CMSS1: variants seen among roughly 807,000 people sequenced by gnomAD.
The protein encoded by CMSS1 is protein CMSS1.
Under a neutral mutation model 43.5 loss-of-function variants are expected in CMSS1, and 33 were observed. That is an observed-to-expected ratio of 0.76 (90% CI 0.57 to 1.01). The LOEUF (loss-of-function observed/expected upper bound fraction) is 1.01. CMSS1 is among the 50% of genes least tolerant of loss of function. CMSS1 has a pLI of 0.00. For synonymous variants in CMSS1, 115 were observed against 117.2 expected (o/e 0.98, Z 0.12); for missense variants, 313 against 326.4 (o/e 0.96, Z 0.32).
chr3:100,112,057 A>G (rs1370307541), intron 1 of CMSS1, among the ~76,000 whole-genome samples: 1 of 152,214 alleles, frequency 6.6e-6, no homozygotes, highest in Non-Finnish European at 1.5e-5. Context: ...ATTCTAAAAT[A>G]GTTGATGAAT....
intron 1 of CMSS1, among the ~76,000 whole-genome samples, chr3:99,904,601 C>CT (rs940411368): frequency 1.3e-4 from 19 of 151,882 alleles, no homozygotes; most frequent in East Asian, 9.7e-4. Flanking sequence ...TTACTTTTCT[C>CT]TTTTTTTTGT....
intron 1 of CMSS1, among the ~76,000 whole-genome samples, chr3:100,075,188 C>T (rs1251263623): frequency 1.1e-4 from 16 of 152,148 alleles, no homozygotes; most frequent in Admixed American, 1.0e-3. Context: ...AAATGATCAA[C>T]CTGAAACACT....
chr3:100,015,653 T>C (rs538126741), intron 1 of CMSS1, among the ~76,000 whole-genome samples: 1 of 152,336 alleles, frequency 6.6e-6, no homozygotes, highest in South Asian at 2.1e-4. Context: ...CAGCTGTGAC[T>C]GAAATTACAG....
chr3:100,060,830 C>G (rs777539883), intron 1 of CMSS1, among the ~76,000 whole-genome samples: 1 of 152,110 alleles, frequency 6.6e-6, no homozygotes, highest in Non-Finnish European at 1.5e-5. Context: ...CCACTGCACT[C>G]CATCCTGGGC....
chr3:99,840,221 CTT>C lies in CMSS1; in HGVS notation c.64+22199_64+22200del, dbSNP rs10935982. On this transcript the variant is annotated intron_variant, in intron 1 of 9. Coordinates refer to ENST00000421999, the MANE Select transcript of CMSS1 (RefSeq NM_032359.4). Reference sequence around the variant, plus strand: ...GGTAAAAGAAATTAATTCGTAGAATCTTTTTTTTTTTTTTTTTTTTTTGAGAC... The same window carrying C: ...GGTAAAAGAAATTAATTCGTAGAATCTTTTTTTTTTTTTTTTTTTTGAGAC... Among the ~76,000 whole-genome samples the C allele has an allele frequency of 3.9e-4, 40 of 102,128 alleles. No homozygotes were observed. In the East Asian group the frequency reaches 0.01, roughly 26 times the overall value. The allele number at this position is 102,128 out of a possible 152,430, so 67.0% of individuals were successfully genotyped here. A position where few individuals can be genotyped will look rare whatever the true frequency, so the allele number is the denominator to read the frequency against.
intron 1 of CMSS1, among the ~76,000 whole-genome samples, chr3:100,085,821 T>C (rs2066000279): frequency 6.6e-6 from 1 of 152,228 alleles, no homozygotes; most frequent in African/African-American, 2.4e-5. Context: ...TCACTCTGTG[T>C]TTCTCTGGAG....
In CMSS1 at chr3:99,817,876, G is replaced by T; in HGVS notation, c.-104G>T. 4 of 1,190,592 alleles carry T rather than the reference G, an allele frequency of 3.4e-6. No homozygotes were observed. The highest frequency in any genetic ancestry group is 2.5e-5 in the East Asian group (1 of 40,458). 73.8% of individuals were successfully genotyped at this position (1,190,592 alleles called of 1,614,324 possible). A position where few individuals can be genotyped will look rare whatever the true frequency, so the allele number is the denominator to read the frequency against. On this transcript the variant is annotated 5_prime_UTR_variant, in exon 1 of 10. Coordinates refer to ENST00000421999, the MANE Select transcript of CMSS1 (RefSeq NM_032359.4). ...GCGGAGGCGACAGTGTCTAGCGGGA[G>T]CTCCGCGTGTAGCTACGCCGGCCGC...
chr3:99,885,621 C>T (rs1482857137), intron 1 of CMSS1, among the ~76,000 whole-genome samples: 1 of 152,222 alleles, frequency 6.6e-6, no homozygotes, highest in Admixed American at 6.5e-5. Flanking sequence ...GCTCACTTGA[C>T]CTCTGAAAGG....
At chr3:100,037,862 C>G (rs1400154917) in intron 1 of CMSS1, among the ~76,000 whole-genome samples, 1 of 152,050 alleles carries the variant, frequency 6.6e-6, no homozygotes, top group African/African-American at 2.4e-5. Flanking sequence ...TAATTTCTTC[C>G]TCACAATTAC....
rs762204137 is a variant in CMSS1 at position 99,983,826 on chromosome 3, AG to A, written c.65-163146del. On this transcript the variant is annotated intron_variant, in intron 1 of 9. Coordinates refer to ENST00000421999, the MANE Select transcript of CMSS1 (RefSeq NM_032359.4). Reference sequence around the variant, plus strand: ...TAAAATCAGAGGATGAAAGCAAAGGAGAATGGACCATCTGATGAAATAAACT... The same window carrying A: ...TAAAATCAGAGGATGAAAGCAAAGGAAATGGACCATCTGATGAAATAAACT... Among the ~76,000 whole-genome samples, 33 of 152,094 alleles carry A rather than the reference AG, an allele frequency of 2.2e-4. 1 individual carries two copies. The highest frequency in any genetic ancestry group is 4.2e-4 in the South Asian group (2 of 4,818).
Position 100,180,728 on chromosome 3 carries a change from C to A in CMSS1, c.*2340C>A, listed in dbSNP as rs1030451108. The A allele has an allele frequency of 6.6e-6, 1 of 152,230 alleles. No homozygotes were observed. The highest frequency in any genetic ancestry group is 1.5e-5 in the Non-Finnish European group (1 of 68,048). 9.4% of individuals were successfully genotyped at this position (152,230 alleles called of 1,614,324 possible). A position where few individuals can be genotyped will look rare whatever the true frequency, so the allele number is the denominator to read the frequency against. On this transcript the variant is annotated 3_prime_UTR_variant, in exon 10 of 10. Transcript: ENST00000421999. ...ATATTCCTGTCTTCTTCTGATCCTT[C>A]CAAACTGTTGCAACTTCTCCCCGTT...
intron 1 of CMSS1, among the ~76,000 whole-genome samples, chr3:100,074,133 T>C (rs1173731453): frequency 1.3e-5 from 2 of 152,026 alleles, no homozygotes; most frequent in Non-Finnish European, 2.9e-5. Flanking sequence ...TGCTGTAACC[T>C]CAAAAAGAGC....
At chr3:99,985,169 C>A (rs144109412) in intron 1 of CMSS1, among the ~76,000 whole-genome samples, 1 of 151,988 alleles carries the variant, frequency 6.6e-6, no homozygotes, top group Admixed American at 6.6e-5. Context: ...AAAAAATCAT[C>A]CTAGGGGGTC....
chr3:100,110,360 G>A (rs1411050417), intron 1 of CMSS1, among the ~76,000 whole-genome samples: 3 of 152,080 alleles, frequency 2.0e-5, no homozygotes, highest in African/African-American at 7.2e-5. Flanking sequence ...TTGTTTCAGG[G>A]TCAGGAGCAG....
intron 1 of CMSS1, chr3:100,075,565 C>G (rs1295343340): frequency 7.0e-6 from 1 of 142,228 alleles, no homozygotes; most frequent in African/African-American, 2.6e-5. Flanking sequence ...TTTTCTTTTT[C>G]TTTTTTTTTT....
At chr3:99,935,884 G>A (rs1707650099) in intron 1 of CMSS1, among the ~76,000 whole-genome samples, 1 of 152,152 alleles carries the variant, frequency 6.6e-6, no homozygotes, top group African/African-American at 2.4e-5. Context: ...CTAGAAGAGA[G>A]TTTGTAATTA....
In CMSS1 at chr3:99,818,052, T is replaced by C. The variant is rs1472807587; in HGVS notation, c.64+9T>C. On this transcript the variant is annotated intron_variant, in intron 1 of 9. Transcript: ENST00000421999. Reference sequence around the variant, plus strand: ...AGCAGGCAGCAGCCCAGGTACCCACTCTGTGCCCGCGCTCCTACGGGGCCT... The same window carrying C: ...AGCAGGCAGCAGCCCAGGTACCCACCCTGTGCCCGCGCTCCTACGGGGCCT... 1 of 1,613,144 alleles carries C rather than the reference T, an allele frequency of 6.2e-7. No individual in the cohort carries two copies. The highest frequency in any genetic ancestry group is 2.2e-5 in the East Asian group (1 of 44,868).
chr3:100,119,221 G>A (rs1035013858), intron 1 of CMSS1, among the ~76,000 whole-genome samples: 1 of 152,060 alleles, frequency 6.6e-6, no homozygotes, highest in Non-Finnish European at 1.5e-5. Flanking sequence ...GAAAATATGA[G>A]GTATAAATTA....
chr3:99,916,809 C>T (rs779835207), intron 1 of CMSS1, among the ~76,000 whole-genome samples: 2 of 152,176 alleles, frequency 1.3e-5, no homozygotes, highest in Non-Finnish European at 2.9e-5. Context: ...CCTTTCTGTG[C>T]AGTGATACTC....
Sources: allele counts gnomAD v4.1 joint callset (sites outside exome capture counted in the v4.1 genomes callset), GRCh38; gene constraint gnomAD v4.1.1; transcripts MANE v1.5; gene names NCBI Gene and HGNC (gene_info 2026-07-23, HGNC 2026-07-21).